Variants in WDR1 observed in about 807,000 individuals in gnomAD.
WDR1 encodes WD repeat domain 1, also known as WD repeat-containing protein 1.
Under a neutral mutation model 71.9 loss-of-function variants are expected in WDR1, and 21 were observed. That is an observed-to-expected ratio of 0.29 (90% CI 0.21 to 0.42). The LOEUF is 0.42. Among genes scored for constraint, WDR1 ranks in the 10% least tolerant of loss-of-function variants. The pLI, the probability that WDR1 is intolerant of heterozygous loss-of-function variation, is 1.00. For synonymous variants in WDR1, 424 were observed against 347.4 expected (o/e 1.22, Z -2.45); for missense variants, 696 against 824.5 (o/e 0.84, Z 1.91).
At chr4:10,081,280 C>T (rs6827210) in intron 11 of WDR1, 77 bp downstream of exon 11, 20 of 1,429,098 alleles carry the variant, frequency 1.4e-5, no homozygotes, top group Middle Eastern at 1.8e-4. Context: ...AACTGTCAAA[C>T]GGGACATGAG....
chr4:10,116,263 G>C lies in WDR1; in HGVS notation c.17-29C>G, dbSNP rs766771035. On this transcript the variant is annotated intron_variant, in intron 1 of 14. Transcript: ENST00000499869. Reference sequence around the variant, plus strand: ...CGGAGACACAAATGCGGCGGGGCATGTCAGGGCAGGGCGGGGACGGCGGGG... The same window carrying C: ...CGGAGACACAAATGCGGCGGGGCATCTCAGGGCAGGGCGGGGACGGCGGGG... The C allele has an allele frequency of 3.7e-5, 60 of 1,612,632 alleles. 2 individuals are homozygous for C. Among genetic ancestry groups the C allele is most frequent in the Admixed American group, 2.0e-4 (12 of 59,960 alleles).
intron 14 of WDR1, 127 bp from the exon 15 acceptor site, chr4:10,075,611 TTG>T (rs1764770581): frequency 1.2e-6 from 1 of 851,834 alleles, no homozygotes; most frequent in Admixed American, 2.1e-5. Context: ...CCACGAATCG[TTG>T]TAACTCAGGA....
chr4:10,077,337 G>C lies in WDR1; in HGVS notation c.1681C>G (p.Leu561Val). The change falls in exon 14 of 15, where the codon CTG (leucine) becomes GTG (valine). Residue 561 changes from leucine (L) to valine (V), a missense_variant. Physicochemically the swap from Leu to Val is conservative, Grantham distance 32. Coordinates refer to ENST00000499869, the MANE Select transcript of WDR1 (RefSeq NM_017491.5). The stretch of plus-strand genomic sequence containing the variant: ...TTGACTCTGGTTTCCGGGTCACTCA[G>C]GGTCCAAACATACACCATCATGTCC... Reference protein sequence around the residue: ...GMDMMVYVWTLSDPETRVKIQ... With the variant: ...GMDMMVYVWTVSDPETRVKIQ... 1.2e-6 allele frequency: 2 copies of C among 1,613,990 alleles called. No individual in the cohort carries two copies. Among genetic ancestry groups the C allele is most frequent in the Non-Finnish European group, 1.7e-6 (2 of 1,179,858 alleles).
intron 2 of WDR1, among the ~76,000 whole-genome samples, chr4:10,109,313 A>G (rs1713210040): frequency 1.3e-5 from 2 of 152,276 alleles, no homozygotes; most frequent in Non-Finnish European, 2.9e-5. Context: ...AAGGGAGGTA[A>G]CAAATGCTCA....
chr4:10,075,221 A>T lies in WDR1; in HGVS notation c.*157T>A. The T allele has an allele frequency of 1.6e-6, 1 of 630,110 alleles. No homozygotes were observed. The highest frequency in any genetic ancestry group is 1.9e-5 in the South Asian group (1 of 53,394). 39.0% of individuals were successfully genotyped at this position (630,110 alleles called of 1,614,324 possible). A position where few individuals can be genotyped will look rare whatever the true frequency, so the allele number is the denominator to read the frequency against. The stretch of plus-strand genomic sequence containing the variant: ...AAAGCTTTCAGAAGAACGTGTACAG[A>T]CACCCTGCAGAGACGAGGGTCATGA... On this transcript the variant is annotated 3_prime_UTR_variant, in exon 15 of 15. Transcript: ENST00000499869.
chr4:10,075,362 G>A lies in WDR1; in HGVS notation c.*16C>T, dbSNP rs1287500265. 1.9e-6 allele frequency: 3 copies of A among 1,602,622 alleles called. No individual in the cohort carries two copies. The highest frequency in any genetic ancestry group is 2.2e-5 in the East Asian group (1 of 44,830). Reference sequence around the variant, plus strand: ...AGTCCCTGATTCGGTCCATCCAGAGGCGGGGGTGGGGCTCCTCAGTAGGTG... The same window carrying A: ...AGTCCCTGATTCGGTCCATCCAGAGACGGGGGTGGGGCTCCTCAGTAGGTG... On this transcript the variant is annotated 3_prime_UTR_variant, in exon 15 of 15. Transcript: ENST00000499869.
intron 1 of WDR1, 153 bp downstream of exon 1, chr4:10,116,498 C>G (rs1411909340): frequency 3.1e-6 from 2 of 651,984 alleles, no homozygotes; most frequent in Non-Finnish European, 4.0e-6. Flanking sequence ...CCGCCCTGCA[C>G]CACCGAGGGC....
chr4:10,086,335 C>T (rs376421073), intron 8 of WDR1, among the ~76,000 whole-genome samples: 6 of 152,198 alleles, frequency 3.9e-5, no homozygotes, highest in African/African-American at 1.2e-4. Context: ...ATCCTCGAGG[C>T]CACGTCTAGT....
chr4:10,074,922 C>T lies in WDR1; in HGVS notation c.*456G>A, dbSNP rs547660279. ...CAGACATCTGTTCAACACAGAATTC[C>T]GGCTTTGCTGAACTGCAATGCATAT... is the stretch of plus-strand genomic sequence containing the variant. On this transcript the variant is annotated 3_prime_UTR_variant, in exon 15 of 15. Transcript: ENST00000499869. 5 of 170,960 alleles carry T rather than the reference C, an allele frequency of 2.9e-5. No homozygotes were observed. The highest frequency in any genetic ancestry group is 1.9e-4 in the South Asian group (1 of 5,314). The allele number at this position is 170,960 out of a possible 1,614,324, so 10.6% of individuals were successfully genotyped here. A position where few individuals can be genotyped will look rare whatever the true frequency, so the allele number is the denominator to read the frequency against.
intron 3 of WDR1, among the ~76,000 whole-genome samples, chr4:10,102,319 G>T (rs1712726534): frequency 6.6e-6 from 1 of 152,232 alleles, no homozygotes; most frequent in Non-Finnish European, 1.5e-5. Context: ...GTAAGAGGCT[G>T]CCATGGTCTG....
At chr4:10,116,276 G>A (rs767552022) in intron 1 of WDR1, 42 bp from the exon 2 acceptor site, 23 of 1,610,834 alleles carry the variant, frequency 1.4e-5, no homozygotes, top group East Asian at 4.5e-5. Context: ...AGGGCAGGGC[G>A]GGGACGGCGG....
At chr4:10,113,831 C>G (rs1047155859) in intron 2 of WDR1, among the ~76,000 whole-genome samples, 3 of 152,010 alleles carry the variant, frequency 2.0e-5, no homozygotes. Flanking sequence ...GGTTTGGGGC[C>G]TGAACAGCTG....
chr4:10,090,401 C>T (rs914803162), intron 5 of WDR1, among the ~76,000 whole-genome samples: 8 of 152,266 alleles, frequency 5.3e-5, no homozygotes, highest in Non-Finnish European at 8.8e-5. Context: ...CCACAAAGTC[C>T]GTCAGAGTCA....
chr4:10,098,679 G>A (rs1373957610), intron 4 of WDR1, among the ~76,000 whole-genome samples: 3 of 152,238 alleles, frequency 2.0e-5, no homozygotes, highest in Non-Finnish European at 4.4e-5. Context: ...TAGAAGTGCT[G>A]TTGCTCTTTC....
chr4:10,083,235 T>G, intron 9 of WDR1, 57 bp from the exon 10 acceptor site: 1 of 1,569,526 alleles, frequency 6.4e-7, no homozygotes. Context: ...TTCTCAGGTG[T>G]GGCTTCAGTC....
At position 10,075,471 on chromosome 4, in the gene WDR1, C is replaced by T. The variant is rs1764766204; in HGVS notation, c.1728G>A (p.Leu576=). Residue 576 remains leucine (L), a synonymous_variant, in exon 15 of 15, where the codon CTG becomes CTA. Transcript: ENST00000499869. ...GCCAGGCCAGGCTGCTGACATGGTG[C>T]AGCCGGTGTGCATCTGGGAAGAAAG... ...TRVKIQDAHR[L]HHVSSLAWLD... The T allele has an allele frequency of 1.9e-6, 3 of 1,613,842 alleles. No individual in the cohort carries two copies. The highest frequency in any genetic ancestry group is 2.2e-5 in the South Asian group (2 of 91,074).
intron 5 of WDR1, among the ~76,000 whole-genome samples, chr4:10,094,033 C>T (rs1025866155): frequency 6.6e-6 from 1 of 152,200 alleles, no homozygotes; most frequent in Non-Finnish European, 1.5e-5. Context: ...GGTATGAGGT[C>T]CCCGCAGGGC....
At chr4:10,081,491 A>C in intron 10 of WDR1, 47 bp from the exon 11 acceptor site, 18 of 1,574,394 alleles carry the variant, frequency 1.1e-5, no homozygotes, top group African/African-American at 4.0e-5. Context: ...GCAGCAGCTC[A>C]GGGTAGGTAT....
intron 5 of WDR1, among the ~76,000 whole-genome samples, chr4:10,094,406 C>A (rs1434339780): frequency 6.6e-6 from 1 of 152,212 alleles, no homozygotes; most frequent in Admixed American, 6.5e-5. Flanking sequence ...CGAAGGCAGA[C>A]AACAGAGAGA....
Sources: allele counts gnomAD v4.1 joint callset (sites outside exome capture counted in the v4.1 genomes callset), GRCh38; gene constraint gnomAD v4.1.1; transcripts MANE v1.5; gene names NCBI Gene and HGNC (gene_info 2026-07-23, HGNC 2026-07-21).